C14orf39: variants seen among roughly 807,000 people sequenced by gnomAD.
The protein encoded by C14orf39 is protein SIX6OS1.
C14orf39 carries 66 observed loss-of-function variants against 85.6 expected under a neutral mutation model. The observed-to-expected ratio is 0.77, with a 90% CI of 0.63 to 0.95. The LOEUF is 0.95. Among genes scored for constraint, C14orf39 ranks in the 40% least tolerant of loss-of-function variants. The probability of loss-of-function intolerance (pLI) is 0.00; values close to 1 mark genes in which losing one functional copy is unlikely to be tolerated. For synonymous variants in C14orf39, 242 were observed against 214.0 expected, an observed-to-expected ratio of 1.13 and a Z score of -1.14; for missense variants, 735 against 663.9, an observed-to-expected ratio of 1.11 and a Z score of -1.18.
intron 16 of C14orf39, among the ~76,000 whole-genome samples, chr14:60,453,868 A>G (rs1031259027): frequency 6.6e-5 from 10 of 151,984 alleles, no homozygotes; most frequent in Middle Eastern, 6.8e-3. Flanking sequence ...TTGGGAAGAA[A>G]TTTATCTTTA....
intron 15 of C14orf39, 109 bp downstream of exon 15, chr14:60,456,808 T>C (rs1891299440): frequency 1.1e-6 from 1 of 912,110 alleles, no homozygotes. Context: ...TCTGAAATAC[T>C]ACATAATAAA....
chr14:60,492,794 T>C (rs1187332805), intron 2 of C14orf39, among the ~76,000 whole-genome samples: 1 of 151,666 alleles, frequency 6.6e-6, no homozygotes, highest in Non-Finnish European at 1.5e-5. Context: ...AAAATAAAAA[T>C]AAAAAATAAA....
At chr14:60,512,947 A>G (rs1477198988) in intron 1 of C14orf39, 2 of 152,226 alleles carry the variant, frequency 1.3e-5, no homozygotes, top group Non-Finnish European at 2.9e-5. Flanking sequence ...TTGGATCAGA[A>G]GCCTGCTAAC....
At chr14:60,477,383 A>T (rs1892428572) in intron 5 of C14orf39, among the ~76,000 whole-genome samples, 1 of 152,324 alleles carries the variant, frequency 6.6e-6, no homozygotes, top group Non-Finnish European at 1.5e-5. Flanking sequence ...ATAAAAATAG[A>T]TACTGTTCTC....
intron 16 of C14orf39, among the ~76,000 whole-genome samples, chr14:60,447,937 C>T (rs933005118): frequency 1.1e-4 from 16 of 151,940 alleles, no homozygotes; most frequent in East Asian, 1.9e-4. Flanking sequence ...AAAACAGCAA[C>T]GGGGAAAGGA....
rs142857853 is a variant in C14orf39 at position 60,441,406 on chromosome 14, T to C, written c.1561+668A>G. ...GATCCTCTCAATGAAACAAGGATGC[T>C]GTACCTACCATTATCTCTTATCTTG... On this transcript the variant is annotated intron_variant, in intron 17 of 17. Transcript: ENST00000321731. Among the ~76,000 whole-genome samples, 156 of 152,290 alleles carry C rather than the reference T, an allele frequency of 1.0e-3. 1 individual carries two copies. The East Asian group carries it at 0.016, about 16-fold the overall frequency.
rs1229855502 is a variant in C14orf39, at chr14:60,469,860, T to C, written c.555-207A>G. 3.3e-5 allele frequency among the ~76,000 whole-genome samples: 5 copies of C among 150,346 alleles called. No homozygotes were observed. The South Asian group carries it at 1.0e-3, about 31-fold the overall frequency. ...ATAATTTATTGTTTATGTTATATAC[T>C]GAGCTTAAAAAAACATTTCATACAA... On this transcript the variant is annotated intron_variant, in intron 7 of 17. Transcript: ENST00000321731.
chr14:60,469,436 G>A, intron 8 of C14orf39, 97 bp downstream of exon 8: 1 of 411,544 alleles, frequency 2.4e-6, no homozygotes. Context: ...CTCCACATTA[G>A]GCTCTCTTAA....
intron 8 of C14orf39, among the ~76,000 whole-genome samples, chr14:60,469,313 A>G (rs1455330752): frequency 4.1e-5 from 6 of 147,888 alleles, no homozygotes; most frequent in Non-Finnish European, 9.0e-5. Flanking sequence ...ATTAAATTAT[A>G]TACAAATTAA....
rs143653648 is a variant in C14orf39, at chr14:60,502,673, T to C, written c.-143-3243A>G. On this transcript the variant is annotated intron_variant, in intron 1 of 5. Coordinates refer to the C14orf39 transcript ENST00000556799. ...AAGGAAATATGCACTCATTTCTCTGTCCCTTAATTTTTTTCTAAATCTACT... is the reference window on the plus strand; with the variant it reads ...AAGGAAATATGCACTCATTTCTCTGCCCCTTAATTTTTTTCTAAATCTACT... Among the ~76,000 whole-genome samples, 1,050 of 152,308 alleles carry C rather than the reference T, an allele frequency of 6.9e-3. 13 individuals are homozygous for C. Among genetic ancestry groups the C allele is most frequent in the African/African-American group, 0.024 (980 of 41,582 alleles).
chr14:60,483,952 A>G (rs1386509833), intron 3 of C14orf39, 135 bp from the exon 4 acceptor site: 8 of 594,116 alleles, frequency 1.3e-5, no homozygotes, highest in African/African-American at 1.3e-4. Flanking sequence ...GAGGCTTGAG[A>G]TGGGTGGGAC....
In C14orf39 at chr14:60,436,941, T is replaced by G. The variant is rs1181378217; in HGVS notation, c.1668A>C (p.Pro556=). ...FGAGKDDFSF[P]FSFGQGQNSI... The stretch of plus-strand genomic sequence containing the variant: ...AATTTTGACCCTGTCCAAATGAAAA[T>G]GGAAAACTAAAATCATCTTTTCCAG... The change falls in exon 18 of 18, where the codon CCA becomes CCC. Residue 556 remains proline, a synonymous_variant. Transcript: ENST00000321731. The G allele has an allele frequency of 4.3e-6, 7 of 1,612,822 alleles. No individual in the cohort carries two copies. The highest frequency in any genetic ancestry group is 4.2e-6 in the Non-Finnish European group (5 of 1,179,276).
At chr14:60,442,831 A>G (rs1368973182) in intron 16 of C14orf39, among the ~76,000 whole-genome samples, 2 of 152,226 alleles carry the variant, frequency 1.3e-5, no homozygotes, top group African/African-American at 4.8e-5. Flanking sequence ...CATAGATTTT[A>G]TAAGCCACTT....
At position 60,458,688 on chromosome 14, in the gene C14orf39, C is replaced by A. The variant is rs557493851; in HGVS notation, c.1169G>T (p.Cys390Phe). 2 of 1,600,534 alleles carry A rather than the reference C, an allele frequency of 1.2e-6. No homozygotes were observed. The highest frequency in any genetic ancestry group is 1.3e-5 in the African/African-American group (1 of 74,480). Residue 390 changes from cysteine to phenylalanine, a missense_variant, in exon 14 of 18, where the codon TGT becomes TTT. By Grantham distance (205) the Cys-to-Phe change is radical. Coordinates refer to ENST00000321731, the MANE Select transcript of C14orf39 (RefSeq NM_174978.3). The part of the protein sequence containing the change: ...GTVRQVRESK[C>F]TSQAIYTEHF... ...AAACATTTGACTTACTTGTGAAGTA[C>A]ATTTTGATTCTCTTACTTGTCTTAC...
chr14:60,478,478 G>C (rs1892498522), intron 4 of C14orf39, 89 bp from the exon 5 acceptor site: 5 of 665,994 alleles, frequency 7.5e-6, no homozygotes, highest in Non-Finnish European at 1.2e-5. Flanking sequence ...ATTATTTAAA[G>C]AGAAACGAAT....
chr14:60,461,469 T>A, intron 12 of C14orf39, 39 bp downstream of exon 12: 1 of 1,569,816 alleles, frequency 6.4e-7, no homozygotes, highest in Non-Finnish European at 8.7e-7. Flanking sequence ...CTATAAATTA[T>A]TTCAGAGATT....
intron 17 of C14orf39, among the ~76,000 whole-genome samples, chr14:60,439,665 T>C (rs1046098718): frequency 2.6e-5 from 4 of 152,144 alleles, no homozygotes; most frequent in African/African-American, 9.7e-5. Flanking sequence ...CAATCAGAAA[T>C]AAGGTCCTAG....
chr14:60,468,912 A>C (rs1311032822), intron 8 of C14orf39, among the ~76,000 whole-genome samples: 1 of 151,554 alleles, frequency 6.6e-6, no homozygotes. Flanking sequence ...ATACTTAATG[A>C]AAGATAAGTA....
chr14:60,509,733 AG>A (rs1893261581), intron 1 of C14orf39: 1 of 1,613,832 alleles, frequency 6.2e-7, no homozygotes, highest in Non-Finnish European at 8.5e-7. Flanking sequence ...CCTGTGGACA[AG>A]TACCGAGTAA....
Sources: allele counts gnomAD v4.1 joint callset (sites outside exome capture counted in the v4.1 genomes callset), GRCh38; gene constraint gnomAD v4.1.1; transcripts MANE v1.5; gene names NCBI Gene and HGNC (gene_info 2026-07-23, HGNC 2026-07-21).